The following POLR2B variants were observed in gnomAD, a reference collection of about 807,000 sequenced individuals.
POLR2B encodes the protein DNA-directed RNA polymerase II subunit RPB2.
POLR2B carries 57 observed loss-of-function variants against 144.6 expected under a neutral mutation model. That is an observed-to-expected ratio of 0.39 (90% confidence interval 0.32 to 0.49). The LOEUF (loss-of-function observed/expected upper bound fraction) is 0.49. Ranked by LOEUF, POLR2B falls within the 20% of genes least tolerant of loss-of-function variation. The probability of loss-of-function intolerance (pLI) is 0.83; values close to 1 mark genes in which losing one functional copy is unlikely to be tolerated. For missense variants in POLR2B, 595 were observed against 1,467.4 expected (o/e 0.41, Z 9.71); for synonymous variants, 442 against 469.8 (o/e 0.94, Z 0.77).
intron 2 of POLR2B, among the ~76,000 whole-genome samples, chr4:56,990,104 C>G (rs137908975): frequency 6.6e-6 from 1 of 152,122 alleles, no homozygotes; most frequent in East Asian, 1.9e-4. Context: ...ATATCACTAC[C>G]CTCCGTCCTA....
At chr4:57,021,129 A>C (rs1393522480) in intron 17 of POLR2B, 134 bp downstream of exon 17, 1 of 641,872 alleles carries the variant, frequency 1.6e-6, no homozygotes, top group African/African-American at 1.8e-5. Context: ...GGTCACAAAC[A>C]GCTGAAGATA....
chr4:56,999,422 G>A (rs1158686033), intron 6 of POLR2B, among the ~76,000 whole-genome samples, 195 bp from the exon 7 acceptor site: 1 of 151,928 alleles, frequency 6.6e-6, no homozygotes, highest in African/African-American at 2.4e-5. Context: ...AGTGACCTGA[G>A]CCTGTATGTA....
chr4:56,980,840 T>C (rs1722135957), intron 1 of POLR2B, among the ~76,000 whole-genome samples: 1 of 151,906 alleles, frequency 6.6e-6, no homozygotes, highest in Admixed American at 6.6e-5. Context: ...GGTCTTGCTC[T>C]GTTGCCCAGG....
intron 6 of POLR2B, among the ~76,000 whole-genome samples, chr4:56,996,422 A>G (rs1055465720): frequency 7.3e-5 from 11 of 149,710 alleles, no homozygotes; most frequent in African/African-American, 2.7e-4. Flanking sequence ...CTGGGACTAC[A>G]GGCGCCCGCC....
chr4:57,022,256 A>G lies in POLR2B; in HGVS notation c.2515+10A>G, dbSNP rs113557378. On this transcript the variant is annotated intron_variant, in intron 18 of 24. Coordinates refer to ENST00000314595, the MANE Select transcript of POLR2B (RefSeq NM_000938.3). ...CGTGAAACATGCCAGGGTAAGTGACACTAACATTTAAATGATGGAATCCAA... is the reference window on the plus strand; with the variant it reads ...CGTGAAACATGCCAGGGTAAGTGACGCTAACATTTAAATGATGGAATCCAA... The G allele has an allele frequency of 5.2e-6, 8 of 1,526,642 alleles. No homozygotes were observed. The highest frequency in any genetic ancestry group is 1.7e-4 in the Middle Eastern group (1 of 5,868). 94.6% of individuals were successfully genotyped at this position (1,526,642 alleles called of 1,614,324 possible).
chr4:56,994,911 T>G, intron 5 of POLR2B, 45 bp downstream of exon 5: 2 of 1,164,800 alleles, frequency 1.7e-6, no homozygotes, highest in East Asian at 2.5e-5. Context: ...GTAGTTAAAA[T>G]TTAGTTTAAA....
chr4:57,008,472 G>C (rs1399966244), intron 10 of POLR2B, among the ~76,000 whole-genome samples: 2 of 152,210 alleles, frequency 1.3e-5, no homozygotes, highest in African/African-American at 4.8e-5. Context: ...GAAGTGCTGG[G>C]ATCACAGGTG....
At chr4:57,030,427 T>C (rs1560486984) in intron 24 of POLR2B, 28 bp downstream of exon 24, 1 of 1,540,568 alleles carries the variant, frequency 6.5e-7, no homozygotes, top group Non-Finnish European at 8.9e-7. Flanking sequence ...TGGCAGTTGA[T>C]ATTTGTTTAG....
intron 21 of POLR2B, 57 bp from the exon 22 acceptor site, chr4:57,024,829 C>G: frequency 1.2e-6 from 1 of 843,360 alleles, no homozygotes; most frequent in Non-Finnish European, 1.9e-6. Flanking sequence ...ATTGATATGA[C>G]TTTTAGGGGG....
Position 56,990,745 on chromosome 4 carries a change from C to A in POLR2B, c.93-3C>A. ...AACTGACTGAACTCAAATATTTTCC[C>A]AGTTCCTATTTTGACGAGAAAGGCT... On this transcript the variant is annotated splice_region_variant and splice_polypyrimidine_tract_variant and intron_variant, in intron 2 of 24. Coordinates refer to ENST00000314595, the MANE Select transcript of POLR2B (RefSeq NM_000938.3). The A allele has an allele frequency of 1.9e-6, 3 of 1,598,586 alleles. No individual in the cohort carries two copies. Among genetic ancestry groups the A allele is most frequent in the Non-Finnish European group, 2.6e-6 (3 of 1,173,924 alleles).
At position 57,004,625 on chromosome 4, in the gene POLR2B, A is replaced by T. The variant is rs140773473; in HGVS notation, c.901-621A>T. Among the ~76,000 whole-genome samples the T allele has an allele frequency of 2.0e-3, 308 of 152,246 alleles. 2 individuals carry two copies. Among genetic ancestry groups the T allele is most frequent in the African/African-American group, 7.2e-3 (299 of 41,542 alleles). The stretch of plus-strand genomic sequence containing the variant: ...TTAATTTGACTATGAAATTTCTGTA[A>T]ATTGATTTTAGATATCTGGAACTTT... On this transcript the variant is annotated intron_variant, in intron 7 of 24. Transcript: ENST00000314595.
chr4:56,989,750 A>G (rs1417153581), intron 2 of POLR2B, among the ~76,000 whole-genome samples: 1 of 152,094 alleles, frequency 6.6e-6, no homozygotes, highest in African/African-American at 2.4e-5. Flanking sequence ...TGATGGGATA[A>G]TCTTGAGGGT....
Position 56,991,438 on chromosome 4 carries a change from A to T in POLR2B, c.243+540A>T, listed in dbSNP as rs1722505126. On this transcript the variant is annotated intron_variant, in intron 3 of 24. Coordinates refer to ENST00000314595, the MANE Select transcript of POLR2B (RefSeq NM_000938.3). ...ATAATTTGGTTTTACATGAGTGATT[A>T]TAAGAAGGATGTAGTCCAAAATAAT... Among the ~76,000 whole-genome samples the T allele has an allele frequency of 2.0e-5, 3 of 152,236 alleles. No individual in the cohort carries two copies. In the South Asian group the frequency reaches 6.2e-4, roughly 32 times the overall value.
At position 57,005,672 on chromosome 4, in the gene POLR2B, C is replaced by T. The variant is rs779239593; in HGVS notation, c.1170C>T (p.Asn390=). The part of the protein sequence containing the change: ...RELDDRDHYG[N]KRLDLAGPLL... Reference sequence around the variant, plus strand: ...TAGATGACAGAGATCACTATGGAAACAAGAGATTGGATCTTGCTGGGCCGC... The same window carrying T: ...TAGATGACAGAGATCACTATGGAAATAAGAGATTGGATCTTGCTGGGCCGC... Residue 390 remains asparagine, a synonymous_variant, in exon 9 of 25, where the codon AAC becomes AAT. Coordinates refer to ENST00000314595, the MANE Select transcript of POLR2B (RefSeq NM_000938.3). The T allele has an allele frequency of 6.2e-7, 1 of 1,611,586 alleles. No homozygotes were observed. Among genetic ancestry groups the T allele is most frequent in the South Asian group, 1.1e-5 (1 of 91,014 alleles).
chr4:57,011,263 C>T (rs1473862849), intron 13 of POLR2B, among the ~76,000 whole-genome samples, 163 bp downstream of exon 13: 1 of 152,252 alleles, frequency 6.6e-6, no homozygotes, highest in Non-Finnish European at 1.5e-5. Flanking sequence ...GGTGCAGTGG[C>T]TCATGCCTGT....
chr4:57,003,689 A>G (rs914209949), intron 7 of POLR2B, among the ~76,000 whole-genome samples: 1 of 151,876 alleles, frequency 6.6e-6, no homozygotes, highest in South Asian at 2.1e-4. Flanking sequence ...CAAAAAAAAG[A>G]AAAATTAGCT....
At chr4:57,021,883 G>A (rs1723562768) in intron 17 of POLR2B, among the ~76,000 whole-genome samples, 2 of 152,170 alleles carry the variant, frequency 1.3e-5, no homozygotes. Context: ...ATTCTTAAAT[G>A]TGTCGGAGGT....
Position 57,006,549 on chromosome 4 carries a change from C to T in POLR2B, c.1218-267C>T, listed in dbSNP as rs193151135. On this transcript the variant is annotated intron_variant, in intron 9 of 24. Transcript: ENST00000314595. Reference sequence around the variant, plus strand: ...CAAACTCCTGACCTCAGGTGATCTGCCCACATCAGCTTCCCAAAGTGCTGG... The same window carrying T: ...CAAACTCCTGACCTCAGGTGATCTGTCCACATCAGCTTCCCAAAGTGCTGG... Among the ~76,000 whole-genome samples the T allele has an allele frequency of 2.0e-3, 308 of 152,324 alleles. 2 individuals are homozygous for T. Among genetic ancestry groups the T allele is most frequent in the African/African-American group, 6.9e-3 (287 of 41,576 alleles).
At chr4:57,011,264 T>C (rs1255800112) in intron 13 of POLR2B, among the ~76,000 whole-genome samples, 164 bp downstream of exon 13, 1 of 152,262 alleles carries the variant, frequency 6.6e-6, no homozygotes, top group Non-Finnish European at 1.5e-5. Context: ...GTGCAGTGGC[T>C]CATGCCTGTA....
Sources: gnomAD v4.1 joint callset for allele counts (sites outside exome capture counted in the v4.1 genomes callset) on GRCh38, gnomAD v4.1.1 for gene constraint, MANE v1.5 for transcripts, NCBI Gene and HGNC (gene_info 2026-07-23, HGNC 2026-07-21) for gene names.